TENM4: variants seen among roughly 807,000 people sequenced by gnomAD.
TENM4 encodes teneurin-4.
Under a neutral mutation model 243.3 loss-of-function variants are expected in TENM4, and 82 were observed. That is an observed-to-expected ratio of 0.34 (90% CI 0.28 to 0.40). The LOEUF (loss-of-function observed/expected upper bound fraction) is 0.40. Ranked by LOEUF, TENM4 falls within the 10% of genes least tolerant of loss-of-function variation. TENM4 has a pLI of 1.00. For missense variants in TENM4, 3,138 were observed against 3,673.3 expected, an observed-to-expected ratio of 0.85 and a Z score of 3.77; for synonymous variants, 1,412 against 1,456.3, an observed-to-expected ratio of 0.97 and a Z score of 0.69.
chr11:78,999,447 C>T lies in TENM4; in HGVS notation c.493+65291G>A, dbSNP rs200513997. Among the ~76,000 whole-genome samples, 117 of 150,502 alleles carry T rather than the reference C, an allele frequency of 7.8e-4. No homozygotes were observed. The East Asian group carries it at 0.02, about 26-fold the overall frequency. The stretch of plus-strand genomic sequence containing the variant: ...AGGAGAATGGCATGAACCCGGGAGA[C>T]GGAGCTTGTAGTGAGCCGAGATCAC... On this transcript the variant is annotated intron_variant, in intron 6 of 33. Coordinates refer to ENST00000278550, the MANE Select transcript of TENM4 (RefSeq NM_001098816.3).
intron 24 of TENM4, 145 bp from the exon 25 acceptor site, chr11:78,720,535 G>T: frequency 1.2e-6 from 1 of 805,856 alleles, no homozygotes; most frequent in East Asian, 2.5e-5. Flanking sequence ...CTGTGACACT[G>T]ATGTATTTTA....
intron 6 of TENM4, among the ~76,000 whole-genome samples, chr11:78,919,916 C>A (rs1211832657): frequency 3.3e-5 from 5 of 152,122 alleles, no homozygotes; most frequent in African/African-American, 7.2e-5. Flanking sequence ...TTCAGGCAGA[C>A]CTGACCACAC....
intron 2 of TENM4, among the ~76,000 whole-genome samples, chr11:79,234,992 A>G (rs1426738675): frequency 6.6e-6 from 1 of 152,152 alleles, no homozygotes; most frequent in Non-Finnish European, 1.5e-5. Flanking sequence ...TAAAATACCA[A>G]GAGGGAAGAC....
At chr11:78,921,598 C>T (rs1338281472) in intron 6 of TENM4, among the ~76,000 whole-genome samples, 1 of 152,192 alleles carries the variant, frequency 6.6e-6, no homozygotes, top group Non-Finnish European at 1.5e-5. Context: ...ACCAGGCTCC[C>T]TGGGGAATCC....
In TENM4 at chr11:78,877,680, G is replaced by A. The variant is rs533955450; in HGVS notation, c.1084+12105C>T. Among the ~76,000 whole-genome samples, 3 of 152,298 alleles carry A rather than the reference G, an allele frequency of 2.0e-5. No individual in the cohort carries two copies. The East Asian group carries it at 5.8e-4, about 29-fold the overall frequency. On this transcript the variant is annotated intron_variant, in intron 9 of 33. Transcript: ENST00000278550. ...CAGGGCCTCCAACCCCTAGGAGAGTGTGTTGTTTCTGCAGCTGCTGCTGTT... is the reference window on the plus strand; with the variant it reads ...CAGGGCCTCCAACCCCTAGGAGAGTATGTTGTTTCTGCAGCTGCTGCTGTT...
chr11:78,676,329 G>A lies in TENM4; in HGVS notation c.5319C>T (p.Ala1773=). Residue 1773 remains alanine (A), a synonymous_variant, in exon 30 of 34, where the codon GCC becomes GCT. Coordinates refer to ENST00000278550, the MANE Select transcript of TENM4 (RefSeq NM_001098816.3). ...TCTGCAGCGCCACCTCCATGCCGTTGGCCAGCAGCAGCCGCAAGGAGCCAT... is the reference window on the plus strand; with the variant it reads ...TCTGCAGCGCCACCTCCATGCCGTTAGCCAGCAGCAGCCGCAAGGAGCCAT... The part of the protein sequence containing the change: ...GADGSLRLLL[A]NGMEVALQTE... 1 of 1,610,606 alleles carries A rather than the reference G, an allele frequency of 6.2e-7. No homozygotes were observed. The highest frequency in any genetic ancestry group is 8.5e-7 in the Non-Finnish European group (1 of 1,177,234).
chr11:78,907,295 G>A (rs2136340391), intron 6 of TENM4, among the ~76,000 whole-genome samples: 1 of 149,560 alleles, frequency 6.7e-6, no homozygotes, highest in East Asian at 2.0e-4. Context: ...ACAGAGGTGA[G>A]AGGCTACAGA....
At chr11:78,969,774 C>G (rs935349871) in intron 6 of TENM4, among the ~76,000 whole-genome samples, 58 of 152,138 alleles carry the variant, frequency 3.8e-4, no homozygotes, top group African/African-American at 1.3e-3. Context: ...CCTGGATTAT[C>G]GGAAGAGCTT....
At chr11:78,999,133 GA>G (rs1158994127) in intron 6 of TENM4, among the ~76,000 whole-genome samples, 3 of 152,088 alleles carry the variant, frequency 2.0e-5, no homozygotes, top group African/African-American at 4.8e-5. Context: ...AAAGTGACAA[GA>G]AAAAAATCAA....
At position 79,027,861 on chromosome 11, in the gene TENM4, G is replaced by T. The variant is rs139990202; in HGVS notation, c.493+36877C>A. 9.3e-4 allele frequency among the ~76,000 whole-genome samples: 142 copies of T among 152,298 alleles called. 5 individuals carry two copies. In the South Asian group the frequency reaches 0.023, roughly 25 times the overall value. On this transcript the variant is annotated intron_variant, in intron 6 of 33. Coordinates refer to ENST00000278550, the MANE Select transcript of TENM4 (RefSeq NM_001098816.3). ...AGGCATGTGTTAGATTCTTAACACCGACTGAGCCTCAATTCAGCCCCCTAA... is the reference window on the plus strand; with the variant it reads ...AGGCATGTGTTAGATTCTTAACACCTACTGAGCCTCAATTCAGCCCCCTAA...
intron 19 of TENM4, among the ~76,000 whole-genome samples, chr11:78,750,925 G>T (rs1856174898): frequency 6.6e-6 from 1 of 151,700 alleles, no homozygotes; most frequent in South Asian, 2.1e-4. Context: ...TGTCACCCAG[G>T]CTGGAGTGCA....
chr11:79,020,547 T>C (rs1858899523), intron 6 of TENM4, among the ~76,000 whole-genome samples: 1 of 152,188 alleles, frequency 6.6e-6, no homozygotes, highest in Admixed American at 6.5e-5. Context: ...CTTGCAGCTC[T>C]AATTCCTCCT....
chr11:79,359,778 G>A (rs1158516597), intron 1 of TENM4, among the ~76,000 whole-genome samples: 8 of 152,106 alleles, frequency 5.3e-5, no homozygotes, highest in African/African-American at 1.9e-4. Context: ...CAGAGGCCTG[G>A]AAAGCCATGA....
At chr11:78,744,237 C>T (rs1855995679) in intron 19 of TENM4, among the ~76,000 whole-genome samples, 1 of 152,230 alleles carries the variant, frequency 6.6e-6, no homozygotes. Context: ...ATCTTTCAAG[C>T]CCAGCCACCA....
At chr11:79,387,343 AT>A (rs533685697) in intron 1 of TENM4, among the ~76,000 whole-genome samples, 150 of 152,254 alleles carry the variant, frequency 9.9e-4, no homozygotes, top group African/African-American at 3.6e-3. Flanking sequence ...TTTATGAAAA[AT>A]CCACTGAGCT....
In TENM4 at chr11:78,756,808, C is replaced by A. The variant is rs779367718; in HGVS notation, c.2753G>T (p.Gly918Val). The A allele has an allele frequency of 6.8e-6, 11 of 1,612,812 alleles. No individual in the cohort carries two copies. Among genetic ancestry groups the A allele is most frequent in the Non-Finnish European group, 9.3e-6 (11 of 1,179,460 alleles). Residue 918 changes from glycine (G) to valine (V), a missense_variant, in exon 19 of 34, where the codon GGA (glycine) becomes GTA (valine). Physicochemically the swap from Gly to Val is moderately radical, Grantham distance 109. Coordinates refer to ENST00000278550, the MANE Select transcript of TENM4 (RefSeq NM_001098816.3). ...HIIPGENPFD[G>V]GHACVIRGQV... Reference sequence around the variant, plus strand: ...GAGCTGGGGCCCTCGGACTCACCCTCCATCAAAGGGGTTCTCCCCGGGGAT... The same window carrying A: ...GAGCTGGGGCCCTCGGACTCACCCTACATCAAAGGGGTTCTCCCCGGGGAT...
rs115585298 is a variant in TENM4, at chr11:78,734,604, G to A, written c.2877-2027C>T. Among the ~76,000 whole-genome samples, 1,336 of 152,030 alleles carry A rather than the reference G, an allele frequency of 8.8e-3. 23 individuals are homozygous for A. Among genetic ancestry groups the A allele is most frequent in the African/African-American group, 0.031 (1,278 of 41,434 alleles). ...CTTCTGTCACACCCTGGCTGTAGTA[G>A]GCATTTTCAAAGCCTGTCTTAATTG... is the stretch of plus-strand genomic sequence containing the variant. On this transcript the variant is annotated intron_variant, in intron 20 of 33. Coordinates refer to ENST00000278550, the MANE Select transcript of TENM4 (RefSeq NM_001098816.3).
At chr11:78,941,438 A>G (rs1856891795) in intron 6 of TENM4, among the ~76,000 whole-genome samples, 1 of 151,380 alleles carries the variant, frequency 6.6e-6, no homozygotes, top group African/African-American at 2.4e-5. Flanking sequence ...TGCCTAAAGC[A>G]TTTGGCCAAG....
intron 1 of TENM4, among the ~76,000 whole-genome samples, chr11:79,302,143 T>C (rs535425858): frequency 3.3e-5 from 5 of 152,200 alleles, no homozygotes; most frequent in Non-Finnish European, 5.9e-5. Context: ...ATTAAAAATA[T>C]TTAAATAACC....
Sources: gnomAD v4.1 joint callset for allele counts (sites outside exome capture counted in the v4.1 genomes callset) on GRCh38, gnomAD v4.1.1 for gene constraint, MANE v1.5 for transcripts, NCBI Gene and HGNC (gene_info 2026-07-23, HGNC 2026-07-21) for gene names.